Variants in ESR1 observed in about 807,000 individuals in gnomAD.
ESR1 encodes estrogen receptor 1, also known as estrogen receptor.
Under a neutral mutation model 52.7 loss-of-function variants are expected in ESR1, and 12 were observed. The ratio of observed to expected loss-of-function variants is 0.23; its 90% CI spans 0.15 to 0.37. ESR1 has a LOEUF of 0.37. Ranked by LOEUF, ESR1 falls within the 10% of genes least tolerant of loss-of-function variation. The pLI is 1.00. For synonymous variants in ESR1, 305 were observed against 316.8 expected, an observed-to-expected ratio of 0.96 and a Z score of 0.39; for missense variants, 584 against 779.7, an observed-to-expected ratio of 0.75 and a Z score of 2.99.
intron 5 of ESR1, among the ~76,000 whole-genome samples, chr6:152,031,601 T>C (rs930962730): frequency 3.9e-5 from 6 of 152,094 alleles, no homozygotes; most frequent in East Asian, 3.9e-4. Context: ...AGAAGCTGAA[T>C]CTCTGAATAG....
chr6:151,905,850 G>A (rs1797358991), intron 3 of ESR1, among the ~76,000 whole-genome samples: 1 of 152,138 alleles, frequency 6.6e-6, no homozygotes, highest in African/African-American at 2.4e-5. Flanking sequence ...AGTTTTCACT[G>A]GCATGTCCCA....
intron 1 of ESR1, among the ~76,000 whole-genome samples, chr6:151,670,829 C>T (rs1419338391): frequency 7.7e-6 from 1 of 130,544 alleles, no homozygotes. Flanking sequence ...AGTGCAGTGG[C>T]GCAATCTCGG....
At chr6:151,687,153 T>C (rs1778722344), upstream of ESR1, among the ~76,000 whole-genome samples, 1 of 152,228 alleles carries the variant, frequency 6.6e-6, no homozygotes, top group South Asian at 2.1e-4. Flanking sequence ...CCTAGGTCAC[T>C]GGCCAGTCTA....
chr6:152,016,680 CCTT>C (rs1183336472), intron 5 of ESR1, among the ~76,000 whole-genome samples: 2 of 152,120 alleles, frequency 1.3e-5, no homozygotes, highest in Admixed American at 1.3e-4. Context: ...GACACATGGG[CCTT>C]CTTTTTGCTC....
chr6:151,991,016 G>A (rs1045253801), intron 4 of ESR1, among the ~76,000 whole-genome samples: 5 of 152,070 alleles, frequency 3.3e-5, no homozygotes, highest in Non-Finnish European at 7.4e-5. Context: ...AGAAAGTCTA[G>A]GAACCATACC....
At chr6:152,011,626 G>A (rs201562082) in intron 4 of ESR1, 30 bp from the exon 5 acceptor site, 2 of 1,612,822 alleles carry the variant, frequency 1.2e-6, no homozygotes, top group African/African-American at 1.3e-5. Context: ...TTTCATTTGA[G>A]TCAGCAGGGT....
At chr6:152,009,379 G>A (rs1052631581) in intron 4 of ESR1, among the ~76,000 whole-genome samples, 1 of 152,100 alleles carries the variant, frequency 6.6e-6, no homozygotes, top group East Asian at 1.9e-4. Flanking sequence ...TGTGCCTACA[G>A]TGAGTATATG....
At chr6:152,044,805 T>C (rs2046094761) in intron 5 of ESR1, among the ~76,000 whole-genome samples, 1 of 152,160 alleles carries the variant, frequency 6.6e-6, no homozygotes, top group Non-Finnish European at 1.5e-5. Context: ...AGATTGAGGA[T>C]GGGTCTCTAT....
intron 1 of ESR1, among the ~76,000 whole-genome samples, chr6:151,667,829 C>G (rs1018725700): frequency 6.6e-6 from 1 of 152,158 alleles, no homozygotes; most frequent in African/African-American, 2.4e-5. Flanking sequence ...AGATAGAAGC[C>G]TCCTCCTTCA....
intron 2 of ESR1, among the ~76,000 whole-genome samples, chr6:151,718,135 A>G (rs1202843013): frequency 6.6e-6 from 1 of 152,218 alleles, no homozygotes; most frequent in Admixed American, 6.5e-5. Flanking sequence ...ATATATGAAA[A>G]TCTATTCTTT....
At chr6:151,721,104 G>T (rs1301205279) in intron 2 of ESR1, among the ~76,000 whole-genome samples, 2 of 152,146 alleles carry the variant, frequency 1.3e-5, no homozygotes, top group Non-Finnish European at 2.9e-5. Flanking sequence ...GGAAACAAAG[G>T]CACAAGAACT....
Position 151,738,589 on chromosome 6 carries a change from T to C in ESR1, c.-71+36584T>C, listed in dbSNP as rs571433629. Among the ~76,000 whole-genome samples the C allele has an allele frequency of 1.1e-4, 17 of 152,298 alleles. No individual in the cohort carries two copies. In the South Asian group the frequency reaches 3.5e-3, roughly 32 times the overall value. On this transcript the variant is annotated intron_variant, in intron 2 of 2. Coordinates refer to the ESR1 transcript ENST00000404742. ...TAATAGGCATGAGGATCAATTGTTC[T>C]GAACATAACATTTCTGTCAGGGTTT...
At chr6:152,108,379 A>G (rs1376396495) in intron 6 of ESR1, among the ~76,000 whole-genome samples, 1 of 152,232 alleles carries the variant, frequency 6.6e-6, no homozygotes, top group Non-Finnish European at 1.5e-5. Flanking sequence ...CTGTACTTAT[A>G]CAAATTTCAG....
At chr6:152,051,636 A>G (rs2046688382) in intron 5 of ESR1, among the ~76,000 whole-genome samples, 1 of 151,998 alleles carries the variant, frequency 6.6e-6, no homozygotes, top group East Asian at 1.9e-4. Context: ...GTCAACCCCC[A>G]AAACTGCTTC....
At chr6:152,004,355 C>T (rs559470164) in intron 4 of ESR1, among the ~76,000 whole-genome samples, 1 of 151,922 alleles carries the variant, frequency 6.6e-6, no homozygotes, top group East Asian at 1.9e-4. Flanking sequence ...AACCAAGCAA[C>T]AGTTGGGCAG....
At chr6:151,869,136 AT>A (rs1198634551) in intron 2 of ESR1, among the ~76,000 whole-genome samples, 8 of 152,162 alleles carry the variant, frequency 5.3e-5, no homozygotes, top group Non-Finnish European at 8.8e-5. Flanking sequence ...TTGCGAGATC[AT>A]TTTCCTCTTC....
chr6:151,849,679 C>A (rs910665421), intron 2 of ESR1, among the ~76,000 whole-genome samples: 2 of 151,186 alleles, frequency 1.3e-5, no homozygotes, highest in Admixed American at 6.6e-5. Flanking sequence ...ATAAAAACTG[C>A]TAGAGGCTCT....
In ESR1 at chr6:152,055,678, C is replaced by T. The variant is rs77876376; in HGVS notation, c.1236-5313C>T. Among the ~76,000 whole-genome samples, 1,027 of 152,220 alleles carry T rather than the reference C, an allele frequency of 6.7e-3. 25 individuals are homozygous for T. Among genetic ancestry groups the T allele is most frequent in the Admixed American group, 0.046 (702 of 15,274 alleles). ...TTCTTGCCTGATCTCACGTCTTTCTCGCAACACCTTACTAATGACTGCCAG... is the reference window on the plus strand; with the variant it reads ...TTCTTGCCTGATCTCACGTCTTTCTTGCAACACCTTACTAATGACTGCCAG... On this transcript the variant is annotated intron_variant, in intron 5 of 7. Coordinates refer to ENST00000206249, the MANE Select transcript of ESR1 (RefSeq NM_000125.4).
intron 2 of ESR1, among the ~76,000 whole-genome samples, chr6:151,763,620 G>T (rs1784822821): frequency 6.6e-6 from 1 of 152,180 alleles, no homozygotes; most frequent in African/African-American, 2.4e-5. Flanking sequence ...CTCCAAGGCT[G>T]GGAAATGCAG....
Sources: gnomAD v4.1 joint callset for allele counts (sites outside exome capture counted in the v4.1 genomes callset) on GRCh38, gnomAD v4.1.1 for gene constraint, MANE v1.5 for transcripts, NCBI Gene and HGNC (gene_info 2026-07-23, HGNC 2026-07-21) for gene names.